DNAJC3: variants seen among roughly 807,000 people sequenced by gnomAD.
DNAJC3 encodes DnaJ heat shock protein family (Hsp40) member C3, also known as dnaJ homolog subfamily C member 3.
Under a neutral mutation model 68.6 loss-of-function variants are expected in DNAJC3, and 38 were observed. That is an observed-to-expected ratio of 0.55 (90% CI 0.43 to 0.73). The LOEUF (loss-of-function observed/expected upper bound fraction) is 0.73, where lower values mean the gene tolerates loss of function less well. Among genes scored for constraint, DNAJC3 ranks in the 30% least tolerant of loss-of-function variants. The pLI is 0.00. For missense variants in DNAJC3, 526 were observed against 591.9 expected, an observed-to-expected ratio of 0.89 and a Z score of 1.16; for synonymous variants, 203 against 204.0, an observed-to-expected ratio of 1.00 and a Z score of 0.04.
At chr13:95,716,174 A>G (rs1313465059) in intron 2 of DNAJC3, among the ~76,000 whole-genome samples, 1 of 152,086 alleles carries the variant, frequency 6.6e-6, no homozygotes, top group African/African-American at 2.4e-5. Flanking sequence ...AAAAACAAAA[A>G]ATCCCCAGAA....
chr13:95,740,392 G>T (rs1458694345), intron 4 of DNAJC3, among the ~76,000 whole-genome samples: 230 of 149,788 alleles, frequency 1.5e-3, no homozygotes, highest in Admixed American at 4.8e-3. Context: ...GGGCAATGGC[G>T]GGCGCCCCTC....
intron 4 of DNAJC3, chr13:95,742,583 C>G (rs576445916): frequency 6.4e-6 from 3 of 470,512 alleles, no homozygotes; most frequent in African/African-American, 4.0e-5. Context: ...TCTTTGGGCT[C>G]TTATCCCAGC....
chr13:95,696,284 A>G (rs1421918150), intron 1 of DNAJC3, among the ~76,000 whole-genome samples: 1 of 152,202 alleles, frequency 6.6e-6, no homozygotes, highest in Non-Finnish European at 1.5e-5. Flanking sequence ...CCAACCTCCA[A>G]GAAATCATCA....
chr13:95,762,947 T>C (rs1882867138), intron 7 of DNAJC3, among the ~76,000 whole-genome samples: 1 of 152,256 alleles, frequency 6.6e-6, no homozygotes, highest in Admixed American at 6.5e-5. Flanking sequence ...TAGTTAAGCC[T>C]GTGTTTTAAT....
chr13:95,753,642 A>G (rs540964996), intron 4 of DNAJC3, among the ~76,000 whole-genome samples: 18 of 152,304 alleles, frequency 1.2e-4, no homozygotes, highest in South Asian at 4.1e-4. Flanking sequence ...GAAAGGTTCT[A>G]TTATTCTAGG....
chr13:95,710,933 G>A (rs1880937178), intron 2 of DNAJC3, among the ~76,000 whole-genome samples: 1 of 151,908 alleles, frequency 6.6e-6, no homozygotes, highest in Non-Finnish European at 1.5e-5. Flanking sequence ...CAAGCCATCT[G>A]CCTGCCTCAG....
chr13:95,713,306 TAACTG>T (rs1881033967), intron 2 of DNAJC3, among the ~76,000 whole-genome samples: 1 of 152,166 alleles, frequency 6.6e-6, no homozygotes, highest in Non-Finnish European at 1.5e-5. Context: ...CAGACTATCA[TAACTG>T]AAATGAATTT....
chr13:95,741,899 G>A (rs1217167709), intron 4 of DNAJC3, among the ~76,000 whole-genome samples: 1 of 152,152 alleles, frequency 6.6e-6, no homozygotes. Flanking sequence ...AGAGGCAGGG[G>A]TAGTGAGCCA....
At chr13:95,764,840 T>C (rs1314588061) in intron 9 of DNAJC3, among the ~76,000 whole-genome samples, 2 of 150,406 alleles carry the variant, frequency 1.3e-5, no homozygotes, top group Non-Finnish European at 3.0e-5. Context: ...TTTAAAAAAA[T>C]AAATGAGCCT....
At chr13:95,788,909 G>A (rs190894264) in intron 11 of DNAJC3, among the ~76,000 whole-genome samples, 2 of 152,076 alleles carry the variant, frequency 1.3e-5, no homozygotes, top group South Asian at 2.1e-4. Flanking sequence ...TACAATACCC[G>A]CTTAGTTATT....
chr13:95,791,134 C>A lies in DNAJC3; in HGVS notation c.*104C>A. On this transcript the variant is annotated 3_prime_UTR_variant, in exon 12 of 12. Transcript: ENST00000602402. Reference sequence around the variant, plus strand: ...AAAATTTCAAATCTTTTCAGTTTGTCCATGACCAAAGAGTTGCTTTAATAG... The same window carrying A: ...AAAATTTCAAATCTTTTCAGTTTGTACATGACCAAAGAGTTGCTTTAATAG... The A allele has an allele frequency of 7.4e-7, 1 of 1,359,544 alleles. No homozygotes were observed. Among genetic ancestry groups the A allele is most frequent in the Non-Finnish European group, 1.0e-6 (1 of 984,838 alleles). The allele number at this position is 1,359,544 out of a possible 1,614,324, so 84.2% of individuals were successfully genotyped here.
chr13:95,717,318 GC>G (rs1881183382), intron 2 of DNAJC3, among the ~76,000 whole-genome samples: 1 of 152,122 alleles, frequency 6.6e-6, no homozygotes, highest in African/African-American at 2.4e-5. Context: ...TTGTTATGGT[GC>G]TTTCTCATCA....
rs1347537186 is a variant in DNAJC3 at position 95,763,678 on chromosome 13, T to C, written c.884T>C (p.Met295Thr). ...GCTACCAGCAAATATGAATCTGTCATGAAAACAGAGCCAAGCATTGCTGAA... is the reference window on the plus strand; with the variant it reads ...GCTACCAGCAAATATGAATCTGTCACGAAAACAGAGCCAAGCATTGCTGAA... ...TDATSKYESV[M>T]KTEPSIAEYT... The change falls in exon 8 of 12, where the codon ATG becomes ACG. Residue 295 changes from methionine (M) to threonine (T), a missense_variant. Physicochemically the swap from Met to Thr is moderately conservative, Grantham distance 81. Transcript: ENST00000602402. 3.1e-6 allele frequency: 5 copies of C among 1,613,988 alleles called. No individual in the cohort carries two copies. The highest frequency in any genetic ancestry group is 1.1e-5 in the South Asian group (1 of 91,064).
At chr13:95,681,359 A>AT (rs1156518691) in intron 1 of DNAJC3, among the ~76,000 whole-genome samples, 2 of 151,640 alleles carry the variant, frequency 1.3e-5, no homozygotes, top group Admixed American at 1.3e-4. Flanking sequence ...TTTATTTTCA[A>AT]TTTTTTTTCG....
At chr13:95,742,255 G>A (rs1479108111) in intron 4 of DNAJC3, among the ~76,000 whole-genome samples, 1 of 152,212 alleles carries the variant, frequency 6.6e-6, no homozygotes, top group Non-Finnish European at 1.5e-5. Context: ...AGTGGCATCT[G>A]CAGGTGGGGG....
intron 1 of DNAJC3, among the ~76,000 whole-genome samples, chr13:95,703,477 T>TG: frequency 6.6e-6 from 1 of 152,176 alleles, no homozygotes. Context: ...CACAGGAAGA[T>TG]GGAGTGTTAC....
chr13:95,735,890 T>C (rs1229191996), intron 4 of DNAJC3, among the ~76,000 whole-genome samples: 15 of 152,196 alleles, frequency 9.9e-5, no homozygotes, highest in Non-Finnish European at 1.8e-4. Context: ...ACATGAAGTC[T>C]TTGCCCATGC....
intron 1 of DNAJC3, among the ~76,000 whole-genome samples, chr13:95,682,059 G>T (rs1313774552): frequency 1.3e-5 from 2 of 152,116 alleles, no homozygotes; most frequent in African/African-American, 4.8e-5. Flanking sequence ...TCTTTGTGCT[G>T]CTATAACAAA....
intron 4 of DNAJC3, among the ~76,000 whole-genome samples, chr13:95,749,095 A>G (rs1391280271): frequency 2.0e-5 from 3 of 152,254 alleles, no homozygotes; most frequent in African/African-American, 7.2e-5. Context: ...CTGCCAATTA[A>G]AGCCATCTTA....
Sources: allele counts gnomAD v4.1 joint callset (sites outside exome capture counted in the v4.1 genomes callset), GRCh38; gene constraint gnomAD v4.1.1; transcripts MANE v1.5; gene names NCBI Gene and HGNC (gene_info 2026-07-23, HGNC 2026-07-21).